The following PCDHA12 variants were observed in gnomAD, a reference collection of about 807,000 sequenced individuals.
PCDHA12 encodes the protein protocadherin alpha 12.
Under a neutral mutation model 60.0 loss-of-function variants are expected in PCDHA12, and 44 were observed. The observed-to-expected ratio is 0.73, with a 90% CI of 0.58 to 0.94. The LOEUF (loss-of-function observed/expected upper bound fraction) is 0.94. PCDHA12 is among the 40% of genes least tolerant of loss of function. The probability of loss-of-function intolerance (pLI) is 0.00; values close to 1 mark genes in which losing one functional copy is unlikely to be tolerated. For missense variants in PCDHA12, 1,276 were observed against 1,239.7 expected (o/e 1.03, Z -0.44); for synonymous variants, 569 against 553.0 (o/e 1.03, Z -0.40).
chr5:140,941,573 C>T (rs1220556647), intron 1 of PCDHA12, among the ~76,000 whole-genome samples: 1 of 152,108 alleles, frequency 6.6e-6, no homozygotes, highest in African/African-American at 2.4e-5. Flanking sequence ...CCTCAGCCTC[C>T]CAAAGTGCTG....
chr5:140,928,510 A>T (rs782757628), intron 1 of PCDHA12: 1 of 1,614,166 alleles, frequency 6.2e-7, no homozygotes, highest in Non-Finnish European at 8.5e-7. Context: ...TGCAACAGTG[A>T]CTATAAACTT....
At chr5:140,966,753 C>T in intron 1 of PCDHA12, 1 of 1,433,176 alleles carries the variant, frequency 7.0e-7, no homozygotes, top group South Asian at 1.5e-5. Context: ...CTGCCTCCGC[C>T]GCGGCCAGTG....
chr5:140,953,364 G>T (rs1177357093), intron 1 of PCDHA12, among the ~76,000 whole-genome samples: 1 of 152,088 alleles, frequency 6.6e-6, no homozygotes, highest in Non-Finnish European at 1.5e-5. Flanking sequence ...TGCACTCAAG[G>T]ATTCTCTACC....
chr5:140,904,911 G>A (rs2153487307), intron 1 of PCDHA12, among the ~76,000 whole-genome samples: 1 of 152,172 alleles, frequency 6.6e-6, no homozygotes, highest in African/African-American at 2.4e-5. Flanking sequence ...TTACTGATTT[G>A]TTTGACTTCC....
chr5:140,979,292 C>T (rs1449910823), intron 2 of PCDHA12, among the ~76,000 whole-genome samples: 1 of 151,814 alleles, frequency 6.6e-6, no homozygotes, highest in African/African-American at 2.4e-5. Flanking sequence ...GTAATTTCAA[C>T]CTCCTTCATC....
At chr5:140,952,146 C>T (rs1204696324) in intron 1 of PCDHA12, among the ~76,000 whole-genome samples, 1 of 152,062 alleles carries the variant, frequency 6.6e-6, no homozygotes, top group African/African-American at 2.4e-5. Context: ...AGCTCCACTC[C>T]TGTGGCTTTG....
intron 3 of PCDHA12, among the ~76,000 whole-genome samples, chr5:141,004,496 C>T (rs1179748811): frequency 6.6e-6 from 1 of 152,152 alleles, no homozygotes; most frequent in Non-Finnish European, 1.5e-5. Context: ...CTTGGCAGTC[C>T]TGCTGTGAGG....
chr5:140,995,511 A>G (rs561169284), intron 3 of PCDHA12, among the ~76,000 whole-genome samples: 1 of 152,342 alleles, frequency 6.6e-6, no homozygotes, highest in Admixed American at 6.5e-5. Flanking sequence ...TGGGTAACTG[A>G]AGCCTCAGAA....
intron 1 of PCDHA12, among the ~76,000 whole-genome samples, chr5:140,916,847 C>G (rs1276107761): frequency 6.6e-6 from 1 of 152,116 alleles, no homozygotes; most frequent in Non-Finnish European, 1.5e-5. Flanking sequence ...GAGCCCAGCC[C>G]AGCACTAGGA....
intron 1 of PCDHA12, chr5:140,968,425 C>T (rs1195446919): frequency 6.2e-7 from 1 of 1,613,832 alleles, no homozygotes; most frequent in Non-Finnish European, 8.5e-7. Flanking sequence ...AGGCTCAGGA[C>T]AAGGGGAGCC....
intron 1 of PCDHA12, among the ~76,000 whole-genome samples, chr5:140,957,462 T>C (rs574379806): frequency 8.3e-4 from 126 of 152,308 alleles, no homozygotes; most frequent in African/African-American, 2.9e-3. Context: ...ATCATAGGTA[T>C]GTATGTATAG....
At chr5:140,908,103 TC>T (rs1554193224) in intron 1 of PCDHA12, among the ~76,000 whole-genome samples, 2 of 152,192 alleles carry the variant, frequency 1.3e-5, no homozygotes, top group Non-Finnish European at 2.9e-5. Flanking sequence ...TGAAGTTCTG[TC>T]CACTGGGAAG....
At chr5:140,967,123 C>T in intron 1 of PCDHA12, 1 of 1,612,724 alleles carries the variant, frequency 6.2e-7, no homozygotes, top group Non-Finnish European at 8.5e-7. Context: ...GCTGCCTGCT[C>T]AGCTTGGAAG....
chr5:140,951,703 C>T (rs1000873823), intron 1 of PCDHA12, among the ~76,000 whole-genome samples: 3 of 152,110 alleles, frequency 2.0e-5, no homozygotes, highest in Non-Finnish European at 2.9e-5. Context: ...GAGCTTTGGG[C>T]GGGGACACAG....
chr5:140,929,484 T>C, intron 1 of PCDHA12: 1 of 1,156,262 alleles, frequency 8.6e-7, no homozygotes, highest in Non-Finnish European at 1.2e-6. Context: ...AGTATAGAAG[T>C]ATTAGAAGAT....
intron 3 of PCDHA12, among the ~76,000 whole-genome samples, chr5:140,999,252 T>C (rs1474093411): frequency 1.3e-5 from 2 of 152,204 alleles, no homozygotes; most frequent in African/African-American, 4.8e-5. Flanking sequence ...GGGAGTTGGA[T>C]TAGTAAAGGA....
chr5:140,917,669 C>G (rs555314392), intron 1 of PCDHA12, among the ~76,000 whole-genome samples: 2 of 152,140 alleles, frequency 1.3e-5, no homozygotes, highest in Non-Finnish European at 2.9e-5. Context: ...AGTCCTTTCT[C>G]CATTGCTTGT....
chr5:140,893,312 A>C (rs2063923388), intron 1 of PCDHA12, among the ~76,000 whole-genome samples: 1 of 152,106 alleles, frequency 6.6e-6, no homozygotes, highest in Non-Finnish European at 1.5e-5. Context: ...TAGTTTTTTG[A>C]GGGACTCCCA....
chr5:140,893,662 A>T (rs1462433571), intron 1 of PCDHA12, among the ~76,000 whole-genome samples: 5 of 152,204 alleles, frequency 3.3e-5, no homozygotes, highest in African/African-American at 1.2e-4. Context: ...GTTTTAAAAA[A>T]TTTCAGCACT....
Sources: allele counts gnomAD v4.1 joint callset (sites outside exome capture counted in the v4.1 genomes callset), GRCh38; gene constraint gnomAD v4.1.1; transcripts MANE v1.5; gene names NCBI Gene and HGNC (gene_info 2026-07-23, HGNC 2026-07-21).